The following AGAP1 variants were observed in gnomAD, a reference collection of about 807,000 sequenced individuals.
AGAP1 encodes the protein arf-GAP with GTPase, ANK repeat and PH domain-containing protein 1.
In AGAP1, 29 loss-of-function variants were observed where a neutral mutation model predicts 105.3. The observed-to-expected ratio is 0.28, with a 90% CI of 0.21 to 0.38. AGAP1 has a LOEUF of 0.38. Ranked by LOEUF, AGAP1 falls within the 10% of genes least tolerant of loss-of-function variation. The pLI is 1.00. For synonymous variants in AGAP1, 509 were observed against 485.9 expected (o/e 1.05, Z -0.63); for missense variants, 998 against 1,165.1 (o/e 0.86, Z 2.09).
intron 1 of AGAP1, among the ~76,000 whole-genome samples, chr2:235,572,471 G>A (rs541217719): frequency 6.6e-6 from 1 of 152,182 alleles, no homozygotes; most frequent in East Asian, 1.9e-4. Context: ...TCCCCCGCAG[G>A]TGCTCCTCTG....
Position 236,012,712 on chromosome 2 carries a change from C to T in AGAP1, c.1646-23849C>T, listed in dbSNP as rs1226772376. On this transcript the variant is annotated intron_variant, in intron 13 of 17. Coordinates refer to ENST00000304032, the MANE Select transcript of AGAP1 (RefSeq NM_001037131.3). This position sits in a 1 kb window ranked among gnomAD's most constrained non-coding sequence, Gnocchi z 4.9. ...ACTTGTGAAAAATTAAATGTAGACCCGTATCCTTTAACACCGCAGATGCCT... is the reference window on the plus strand; with the variant it reads ...ACTTGTGAAAAATTAAATGTAGACCTGTATCCTTTAACACCGCAGATGCCT... Among the ~76,000 whole-genome samples the T allele has an allele frequency of 6.6e-6, 1 of 152,028 alleles. No homozygotes were observed.
At position 235,994,767 on chromosome 2, in the gene AGAP1, T is replaced by A. The variant is rs956539579; in HGVS notation, c.1645+26144T>A. On this transcript the variant is annotated intron_variant, in intron 13 of 17. Coordinates refer to ENST00000304032, the MANE Select transcript of AGAP1 (RefSeq NM_001037131.3). This position sits in a 1 kb window ranked among gnomAD's most constrained non-coding sequence, Gnocchi z 4.4. ...ATGAATTTCTTTCTTTTTTTTTTTTTAAACTAAAATTAGAATAGGCCGGGC... is the reference window on the plus strand; with the variant it reads ...ATGAATTTCTTTCTTTTTTTTTTTTAAAACTAAAATTAGAATAGGCCGGGC... Among the ~76,000 whole-genome samples, 12 of 150,984 alleles carry A rather than the reference T, an allele frequency of 7.9e-5. No homozygotes were observed. The highest frequency in any genetic ancestry group is 1.0e-4 in the Non-Finnish European group (7 of 67,744).
rs1290520337 is a variant in AGAP1 at position 235,879,258 on chromosome 2, C to G, written c.1051-4087C>G. Among the ~76,000 whole-genome samples the G allele has an allele frequency of 6.6e-6, 1 of 152,178 alleles. No individual in the cohort carries two copies. Among genetic ancestry groups the G allele is most frequent in the Non-Finnish European group, 1.5e-5 (1 of 68,026 alleles). On this transcript the variant is annotated intron_variant, in intron 9 of 17. Coordinates refer to ENST00000304032, the MANE Select transcript of AGAP1 (RefSeq NM_001037131.3). This position sits in a 1 kb window ranked among gnomAD's most constrained non-coding sequence, Gnocchi z 5.0. ...CAGCCGGGCTGAGCATGGGGTAGTGCTCCAGCCACTGAAAGAAAAGTGCAC... is the reference window on the plus strand; with the variant it reads ...CAGCCGGGCTGAGCATGGGGTAGTGGTCCAGCCACTGAAAGAAAAGTGCAC...
At chr2:235,686,181 T>C (rs1157082966) in intron 1 of AGAP1, among the ~76,000 whole-genome samples, 1 of 152,134 alleles carries the variant, frequency 6.6e-6, no homozygotes, top group African/African-American at 2.4e-5. Flanking sequence ...CCAGTAAAGC[T>C]GAAGTCCCCC....
intron 1 of AGAP1, among the ~76,000 whole-genome samples, chr2:235,653,758 G>A (rs570765954): frequency 1.2e-4 from 19 of 152,278 alleles, no homozygotes; most frequent in Non-Finnish European, 2.4e-4. Context: ...ATGGCCTTAT[G>A]TATTAAAAAC....
intron 12 of AGAP1, among the ~76,000 whole-genome samples, chr2:235,942,005 T>G (rs1288179806): frequency 6.6e-6 from 1 of 152,070 alleles, no homozygotes; most frequent in African/African-American, 2.4e-5. Context: ...AGAACTCAGC[T>G]CTCTCCCATC....
chr2:236,074,881 C>T (rs919354075), intron 16 of AGAP1, among the ~76,000 whole-genome samples: 5 of 152,076 alleles, frequency 3.3e-5, no homozygotes, highest in African/African-American at 9.7e-5. Context: ...ATGGCAAAAC[C>T]CCATCTCTAC....
At position 235,728,470 on chromosome 2, in the gene AGAP1, TCA is replaced by T. The variant is rs1034478554; in HGVS notation, c.310+10829_310+10830del. On this transcript the variant is annotated intron_variant, in intron 3 of 17. Coordinates refer to ENST00000304032, the MANE Select transcript of AGAP1 (RefSeq NM_001037131.3). This position sits in a 1 kb window ranked among gnomAD's most constrained non-coding sequence, Gnocchi z 4.3. Reference sequence around the variant, plus strand: ...ACCAGAAATGGAAACCTGATTCAACTCACAGTGTAGTCCTTTATCCATGCTTG... The same window carrying T: ...ACCAGAAATGGAAACCTGATTCAACTCAGTGTAGTCCTTTATCCATGCTTG... Among the ~76,000 whole-genome samples, 4 of 152,120 alleles carry T rather than the reference TCA, an allele frequency of 2.6e-5. No homozygotes were observed. The highest frequency in any genetic ancestry group is 9.7e-5 in the African/African-American group (4 of 41,418).
At chr2:235,810,137 G>C (rs1958055211) in intron 9 of AGAP1, among the ~76,000 whole-genome samples, 1 of 152,148 alleles carries the variant, frequency 6.6e-6, no homozygotes, top group Admixed American at 6.5e-5. Context: ...ACCACGACCT[G>C]AGACAAAAAT....
chr2:235,986,111 T>G (rs1276086192), intron 13 of AGAP1, among the ~76,000 whole-genome samples: 1 of 152,192 alleles, frequency 6.6e-6, no homozygotes, highest in Non-Finnish European at 1.5e-5. Flanking sequence ...GGATGGAGTT[T>G]TTTTCCATAT....
At chr2:236,070,677 G>T (rs1038947401) in intron 16 of AGAP1, among the ~76,000 whole-genome samples, 3 of 152,186 alleles carry the variant, frequency 2.0e-5, no homozygotes, top group African/African-American at 4.8e-5. Flanking sequence ...TATGAAGCCA[G>T]TCACAAAAGA....
At chr2:235,942,198 G>A (rs990266105) in intron 12 of AGAP1, among the ~76,000 whole-genome samples, 19 of 152,268 alleles carry the variant, frequency 1.2e-4, no homozygotes, top group Admixed American at 2.6e-4. Flanking sequence ...GCCAGGCTGC[G>A]TTAATCGAGA....
rs1275789218 is a variant in AGAP1, at chr2:235,936,107, T to C, written c.1483+5184T>C. The stretch of plus-strand genomic sequence containing the variant: ...TCTGATAGCTCCACCCCATCCCCGA[T>C]TGCTTCAGTCCAACAGTTTATCTTC... On this transcript the variant is annotated intron_variant, in intron 12 of 17. Coordinates refer to ENST00000304032, the MANE Select transcript of AGAP1 (RefSeq NM_001037131.3). This position sits in a 1 kb window ranked among gnomAD's most constrained non-coding sequence, Gnocchi z 4.7. Among the ~76,000 whole-genome samples, 1 of 152,212 alleles carries C rather than the reference T, an allele frequency of 6.6e-6. No homozygotes were observed. Among genetic ancestry groups the C allele is most frequent in the East Asian group, 1.9e-4 (1 of 5,190 alleles).
In AGAP1 at chr2:235,724,026, G is replaced by C. The variant is rs1032501962; in HGVS notation, c.310+6382G>C. Among the ~76,000 whole-genome samples the C allele has an allele frequency of 2.0e-5, 3 of 152,346 alleles. No individual in the cohort carries two copies. Among genetic ancestry groups the C allele is most frequent in the South Asian group, 2.1e-4 (1 of 4,828 alleles). Reference sequence around the variant, plus strand: ...TGTCGTAGCCTGCTGCCGCCACACAGAGGGATTTGCAGGGAAGGGCCTTAG... The same window carrying C: ...TGTCGTAGCCTGCTGCCGCCACACACAGGGATTTGCAGGGAAGGGCCTTAG... On this transcript the variant is annotated intron_variant, in intron 3 of 17. Transcript: ENST00000304032. The surrounding 1 kb of genome is among the most constrained non-coding windows in gnomAD (Gnocchi z 4.9).
intron 11 of AGAP1, among the ~76,000 whole-genome samples, chr2:235,920,231 T>A (rs1373383978): frequency 6.6e-6 from 1 of 152,290 alleles, no homozygotes; most frequent in East Asian, 1.9e-4. Context: ...TTACACTTAT[T>A]TCTAAATATA....
chr2:235,984,597 C>T lies in AGAP1; in HGVS notation c.1645+15974C>T, dbSNP rs1258988263. On this transcript the variant is annotated intron_variant, in intron 13 of 17. Transcript: ENST00000304032. ...CTATTGACCCATTTCTAAGTTCCTT[C>T]CCCTCACCCCCGACCCCCAAACAGG... Among the ~76,000 whole-genome samples, 2 of 151,624 alleles carry T rather than the reference C, an allele frequency of 1.3e-5. 1 individual carries two copies. The highest frequency in any genetic ancestry group is 4.2e-4 in the South Asian group (2 of 4,794).
chr2:235,582,284 G>A lies in AGAP1; in HGVS notation c.163+87435G>A, dbSNP rs373794840. Among the ~76,000 whole-genome samples, 6 of 152,284 alleles carry A rather than the reference G, an allele frequency of 3.9e-5. No homozygotes were observed. The South Asian group carries it at 6.2e-4, about 16-fold the overall frequency. ...GTGCTGAGTCTTTCTACCCCGCTGC[G>A]TGGTGCTGCCTGCCGAGGTGGTGTG... On this transcript the variant is annotated intron_variant, in intron 1 of 17. Transcript: ENST00000304032. This position sits in a 1 kb window ranked among gnomAD's most constrained non-coding sequence, Gnocchi z 4.7.
In AGAP1 at chr2:235,874,825, G is replaced by A. The variant is rs1329833461; in HGVS notation, c.1051-8520G>A. On this transcript the variant is annotated intron_variant, in intron 9 of 17. Coordinates refer to ENST00000304032, the MANE Select transcript of AGAP1 (RefSeq NM_001037131.3). The surrounding 1 kb of genome is among the most constrained non-coding windows in gnomAD (Gnocchi z 4.5). ...TGAGTGTGTGTGTGCATGTGTGTGTGCGTGTGCTCTTGCACACGCTCATGG... is the reference window on the plus strand; with the variant it reads ...TGAGTGTGTGTGTGCATGTGTGTGTACGTGTGCTCTTGCACACGCTCATGG... Among the ~76,000 whole-genome samples, 6 of 152,216 alleles carry A rather than the reference G, an allele frequency of 3.9e-5. No homozygotes were observed. The South Asian group carries it at 1.0e-3, about 26-fold the overall frequency.
intron 2 of AGAP1, 139 bp from the exon 3 acceptor site, chr2:235,717,418 T>C (rs1951171931): frequency 1.7e-6 from 1 of 598,932 alleles, no homozygotes; most frequent in African/African-American, 1.9e-5. Flanking sequence ...AAGTATTGAA[T>C]GAGCTTGTTT....
Sources: allele counts gnomAD v4.1 joint callset (sites outside exome capture counted in the v4.1 genomes callset), GRCh38; gene constraint gnomAD v4.1.1; non-coding constraint Gnocchi (gnomAD v3.1); transcripts MANE v1.5; gene names NCBI Gene and HGNC (gene_info 2026-07-23, HGNC 2026-07-21).